Variants in SV2B observed in about 807,000 individuals in gnomAD.
SV2B encodes the protein solute carrier family 22 member B2.
In SV2B, 41 loss-of-function variants were observed where a neutral mutation model predicts 73.9. The observed-to-expected ratio is 0.56, with a 90% CI of 0.43 to 0.72. The LOEUF is 0.72. SV2B is among the 30% of genes least tolerant of loss of function. SV2B has a pLI of 0.00. For synonymous variants in SV2B, 314 were observed against 314.2 expected (o/e 1.00, Z 0.01); for missense variants, 764 against 857.8 (o/e 0.89, Z 1.37).
intron 1 of SV2B, among the ~76,000 whole-genome samples, chr15:91,144,992 A>T (rs1439670435): frequency 1.3e-5 from 2 of 151,648 alleles, no homozygotes. Flanking sequence ...TTTAAATTTA[A>T]TTTTTATTTT....
rs1043519578 is a variant in SV2B, at chr15:91,105,015, T to C, written c.-392+4652T>C. ...GAATGGGCAGAGCCTGTACTTGCTC[T>C]TGTGACTGTCTCTTTCTGTGTTTCT... On this transcript the variant is annotated intron_variant, in intron 1 of 12. Coordinates refer to ENST00000394232, the MANE Select transcript of SV2B (RefSeq NM_001323032.3). This position sits in a 1 kb window ranked among gnomAD's most constrained non-coding sequence, Gnocchi z 5.5. Among the ~76,000 whole-genome samples the C allele has an allele frequency of 2.0e-5, 3 of 152,214 alleles. No individual in the cohort carries two copies. The highest frequency in any genetic ancestry group is 4.4e-5 in the Non-Finnish European group (3 of 68,040).
At chr15:91,116,816 C>T (rs1205427644) in intron 1 of SV2B, among the ~76,000 whole-genome samples, 2 of 152,150 alleles carry the variant, frequency 1.3e-5, no homozygotes, top group Non-Finnish European at 2.9e-5. Flanking sequence ...GCTGGGGGAG[C>T]CTCACAATCA....
chr15:91,276,875 G>A (rs1022130272), intron 9 of SV2B, among the ~76,000 whole-genome samples: 10 of 148,836 alleles, frequency 6.7e-5, no homozygotes, highest in African/African-American at 2.0e-4. Context: ...AGACTGGAGC[G>A]CAATGGCATG....
chr15:91,209,077 T>A (rs968800480), intron 1 of SV2B, among the ~76,000 whole-genome samples: 2 of 151,228 alleles, frequency 1.3e-5, no homozygotes, highest in Non-Finnish European at 2.9e-5. Flanking sequence ...CAGTTAGCCA[T>A]CAGTTACAAT....
chr15:91,256,407 G>T (rs1189427166), intron 4 of SV2B, among the ~76,000 whole-genome samples: 1 of 152,160 alleles, frequency 6.6e-6, no homozygotes, highest in Non-Finnish European at 1.5e-5. Flanking sequence ...TAAAGAAAAA[G>T]ATCTTTTTGA....
At chr15:91,238,058 G>A (rs1305730792) in intron 2 of SV2B, among the ~76,000 whole-genome samples, 1 of 152,140 alleles carries the variant, frequency 6.6e-6, no homozygotes, top group Non-Finnish European at 1.5e-5. Flanking sequence ...GTTACTGTGG[G>A]TTCCTTTATA....
chr15:91,215,717 A>T (rs993597407), intron 1 of SV2B, among the ~76,000 whole-genome samples: 2 of 152,104 alleles, frequency 1.3e-5, no homozygotes, highest in African/African-American at 4.8e-5. Flanking sequence ...CATGTTTCTT[A>T]TATTCCCATA....
intron 1 of SV2B, among the ~76,000 whole-genome samples, chr15:91,150,230 C>T (rs534591386): frequency 6.6e-6 from 1 of 152,234 alleles, no homozygotes; most frequent in South Asian, 2.1e-4. Context: ...TGGTCTCGAA[C>T]TCCTGACCTC....
chr15:91,177,922 A>C (rs1430805366), intron 1 of SV2B, among the ~76,000 whole-genome samples: 1 of 147,320 alleles, frequency 6.8e-6, no homozygotes, highest in Non-Finnish European at 1.5e-5. Context: ...AGAACTTCCA[A>C]CACTATGTTG....
At position 91,140,712 on chromosome 15, in the gene SV2B, T is replaced by C. The variant is rs2042973577; in HGVS notation, c.-392+40349T>C. ...GACTGGGTGTGAGACATGTACTAGA[T>C]ACTTCTGTGGCTTAAAACACCACCT... is the stretch of plus-strand genomic sequence containing the variant. On this transcript the variant is annotated intron_variant, in intron 1 of 12. Transcript: ENST00000394232. This position sits in a 1 kb window ranked among gnomAD's most constrained non-coding sequence, Gnocchi z 4.4. Among the ~76,000 whole-genome samples the C allele has an allele frequency of 6.6e-6, 1 of 152,200 alleles. No individual in the cohort carries two copies. The highest frequency in any genetic ancestry group is 1.9e-4 in the East Asian group (1 of 5,200).
chr15:91,169,418 C>T (rs996824758), intron 1 of SV2B, among the ~76,000 whole-genome samples: 2 of 146,884 alleles, frequency 1.4e-5, no homozygotes, highest in Non-Finnish European at 2.9e-5. Context: ...TGAAAGACAG[C>T]CCCCCCATCC....
chr15:91,274,507 G>A (rs917628808), intron 9 of SV2B, among the ~76,000 whole-genome samples: 1 of 152,110 alleles, frequency 6.6e-6, no homozygotes, highest in Admixed American at 6.5e-5. Context: ...GTATATTCAG[G>A]TGCGGTAGTT....
In SV2B at chr15:91,295,287, G is replaced by A. The variant is rs937070944; in HGVS notation, c.*2735G>A. The A allele has an allele frequency of 3.9e-5, 6 of 152,132 alleles. No individual in the cohort carries two copies. Among genetic ancestry groups the A allele is most frequent in the African/African-American group, 1.4e-4 (6 of 41,420 alleles). The allele number at this position is 152,132 out of a possible 1,614,324, so 9.4% of individuals were successfully genotyped here. On this transcript the variant is annotated 3_prime_UTR_variant, in exon 13 of 13. Coordinates refer to ENST00000394232, the MANE Select transcript of SV2B (RefSeq NM_001323032.3). ...TTATTAAAAATAATTAGTGAAAGAG[G>A]TGTGCCTATCTGTGAAGTTTGTAGT...
rs888759543 is a variant in SV2B at position 91,106,429 on chromosome 15, G to A, written c.-392+6066G>A. On this transcript the variant is annotated intron_variant, in intron 1 of 12. Coordinates refer to ENST00000394232, the MANE Select transcript of SV2B (RefSeq NM_001323032.3). This position sits in a 1 kb window ranked among gnomAD's most constrained non-coding sequence, Gnocchi z 4.4. ...TCCTCAATGGATATGTACTGAATGA[G>A]TGAATGGAACCACTTACTTACTAGA... Among the ~76,000 whole-genome samples, 6 of 152,200 alleles carry A rather than the reference G, an allele frequency of 3.9e-5. No individual in the cohort carries two copies. Among genetic ancestry groups the A allele is most frequent in the African/African-American group, 1.4e-4 (6 of 41,432 alleles).
At position 91,240,555 on chromosome 15, in the gene SV2B, C is replaced by G. The variant is rs954139813; in HGVS notation, c.452-11264C>G. Among the ~76,000 whole-genome samples the G allele has an allele frequency of 6.6e-6, 1 of 152,136 alleles. No homozygotes were observed. Among genetic ancestry groups the G allele is most frequent in the African/African-American group, 2.4e-5 (1 of 41,414 alleles). On this transcript the variant is annotated intron_variant, in intron 2 of 12. Coordinates refer to ENST00000394232, the MANE Select transcript of SV2B (RefSeq NM_001323032.3). This position sits in a 1 kb window ranked among gnomAD's most constrained non-coding sequence, Gnocchi z 4.6. ...AAAAAACCCCAAAAAACCAAGATGGCTCTCTCTGACCTCCATTTTTCCACT... is the reference window on the plus strand; with the variant it reads ...AAAAAACCCCAAAAAACCAAGATGGGTCTCTCTGACCTCCATTTTTCCACT...
chr15:91,235,382 G>C (rs902772800), intron 2 of SV2B, among the ~76,000 whole-genome samples: 9 of 151,958 alleles, frequency 5.9e-5, no homozygotes, highest in African/African-American at 2.2e-4. Flanking sequence ...ATAGTCAGAG[G>C]GTTGACTATT....
chr15:91,169,379 A>C (rs2044036572), intron 1 of SV2B, among the ~76,000 whole-genome samples: 1 of 152,168 alleles, frequency 6.6e-6, no homozygotes, highest in African/African-American at 2.4e-5. Context: ...GTAGATGCTC[A>C]GTAAACATCT....
intron 1 of SV2B, among the ~76,000 whole-genome samples, chr15:91,134,995 CTT>C (rs3082093): frequency 0.44 from 60,573 of 137,002 alleles, 13,119 homozygotes; most frequent in East Asian, 0.86. Flanking sequence ...ATTTCTCAAC[CTT>C]TTTTTTTTTT....
chr15:91,133,832 C>A (rs78550693), intron 1 of SV2B, among the ~76,000 whole-genome samples: 25,603 of 151,980 alleles, frequency 0.17, 2,716 homozygotes, highest in Non-Finnish European at 0.24. Context: ...CCATGAGAAG[C>A]TGGAACTTCT....
Sources: allele counts gnomAD v4.1 joint callset (sites outside exome capture counted in the v4.1 genomes callset), GRCh38; gene constraint gnomAD v4.1.1; non-coding constraint Gnocchi (gnomAD v3.1); transcripts MANE v1.5; gene names NCBI Gene and HGNC (gene_info 2026-07-23, HGNC 2026-07-21).